Variants in CAMKMT observed in about 807,000 individuals in gnomAD.
The protein encoded by CAMKMT is calmodulin-lysine N-methyltransferase.
Under a neutral mutation model 48.0 loss-of-function variants are expected in CAMKMT, and 53 were observed. That is an observed-to-expected ratio of 1.10 (90% CI 0.89 to 1.39). CAMKMT has a LOEUF of 1.39. Among genes scored for constraint, CAMKMT ranks in the 40% most tolerant of loss-of-function variants. The pLI, the probability that CAMKMT is intolerant of heterozygous loss-of-function variation, is 0.00. For synonymous variants in CAMKMT, 165 were observed against 152.3 expected, an observed-to-expected ratio of 1.08 and a Z score of -0.61; for missense variants, 428 against 402.7, an observed-to-expected ratio of 1.06 and a Z score of -0.54.
At chr2:44,566,979 T>G (rs1325374853) in intron 3 of CAMKMT, among the ~76,000 whole-genome samples, 3 of 152,126 alleles carry the variant, frequency 2.0e-5, no homozygotes, top group Non-Finnish European at 4.4e-5. Context: ...AGTAGCAGAA[T>G]TTGGGTGTCA....
chr2:44,750,612 A>G (rs1255326864), intron 8 of CAMKMT, among the ~76,000 whole-genome samples: 2 of 152,250 alleles, frequency 1.3e-5, no homozygotes, highest in Non-Finnish European at 2.9e-5. Context: ...GCCATACACT[A>G]TCACTATAGT....
intron 3 of CAMKMT, among the ~76,000 whole-genome samples, chr2:44,428,792 A>G (rs141743691): frequency 6.6e-6 from 1 of 152,340 alleles, no homozygotes; most frequent in African/African-American, 2.4e-5. Context: ...ATTCCACCAG[A>G]TACAACTCCA....
chr2:44,397,727 A>C (rs991840583), intron 3 of CAMKMT, among the ~76,000 whole-genome samples: 1 of 152,214 alleles, frequency 6.6e-6, no homozygotes, highest in Non-Finnish European at 1.5e-5. Context: ...CCAAAGAAGG[A>C]AAAAGAAGTC....
chr2:44,576,039 G>A (rs1669198760), intron 3 of CAMKMT, among the ~76,000 whole-genome samples: 1 of 151,684 alleles, frequency 6.6e-6, no homozygotes. Flanking sequence ...AAGAACGCAG[G>A]TGGGAGGCTG....
chr2:44,552,902 A>C (rs1667799790), intron 3 of CAMKMT, among the ~76,000 whole-genome samples: 1 of 152,200 alleles, frequency 6.6e-6, no homozygotes, highest in Non-Finnish European at 1.5e-5. Context: ...TCTTTGGACA[A>C]ATCAGCAATA....
intron 3 of CAMKMT, among the ~76,000 whole-genome samples, chr2:44,573,410 T>A (rs1669032768): frequency 6.6e-6 from 1 of 152,088 alleles, no homozygotes; most frequent in Admixed American, 6.6e-5. Flanking sequence ...TTAGTGTATA[T>A]TATCTTTTAT....
At chr2:44,491,619 C>G (rs756091091) in intron 3 of CAMKMT, among the ~76,000 whole-genome samples, 3 of 152,156 alleles carry the variant, frequency 2.0e-5, no homozygotes, top group Non-Finnish European at 4.4e-5. Flanking sequence ...AAATATGTAA[C>G]TTACACTGCA....
chr2:44,362,215 G>A, intron 1 of CAMKMT, 70 bp downstream of exon 1: 1 of 1,316,762 alleles, frequency 7.6e-7, no homozygotes, highest in Non-Finnish European at 9.9e-7. Flanking sequence ...GGGAGCGACT[G>A]TTCGCAGTTC....
chr2:44,564,693 A>G (rs1668516049), intron 3 of CAMKMT, among the ~76,000 whole-genome samples: 1 of 152,094 alleles, frequency 6.6e-6, no homozygotes, highest in South Asian at 2.1e-4. Flanking sequence ...AGCATGTGCC[A>G]CCATGCCCAG....
At chr2:44,464,217 C>T (rs1667995901) in intron 3 of CAMKMT, among the ~76,000 whole-genome samples, 1 of 152,042 alleles carries the variant, frequency 6.6e-6, no homozygotes, top group Non-Finnish European at 1.5e-5. Context: ...TGTGGAAGAC[C>T]AACAAGAGAC....
At chr2:44,410,888 C>G (rs1170628376) in intron 3 of CAMKMT, among the ~76,000 whole-genome samples, 2 of 151,998 alleles carry the variant, frequency 1.3e-5, no homozygotes, top group Non-Finnish European at 2.9e-5. Flanking sequence ...GAAGCAATTA[C>G]TTTTTAAAAT....
At chr2:44,578,807 A>T (rs1213763915) in intron 3 of CAMKMT, among the ~76,000 whole-genome samples, 1 of 152,224 alleles carries the variant, frequency 6.6e-6, no homozygotes, top group Admixed American at 6.5e-5. Context: ...TGAGAGTTAG[A>T]AGAAGTTGAA....
intron 3 of CAMKMT, among the ~76,000 whole-genome samples, chr2:44,398,895 T>C (rs1682103826): frequency 6.6e-6 from 1 of 152,206 alleles, no homozygotes; most frequent in African/African-American, 2.4e-5. Flanking sequence ...TGTTTGTGTG[T>C]ATATACTCCA....
At chr2:44,580,803 T>C (rs1437606187) in intron 3 of CAMKMT, among the ~76,000 whole-genome samples, 2 of 152,214 alleles carry the variant, frequency 1.3e-5, no homozygotes, top group Non-Finnish European at 2.9e-5. Flanking sequence ...CTTTTTGTCA[T>C]GAAGCGCTTA....
At chr2:44,725,795 G>A (rs531328404) in intron 7 of CAMKMT, among the ~76,000 whole-genome samples, 2 of 151,838 alleles carry the variant, frequency 1.3e-5, no homozygotes, top group African/African-American at 4.8e-5. Context: ...GAATGAGACA[G>A]AGCACATGAA....
At chr2:44,625,210 C>T (rs865921989) in intron 3 of CAMKMT, among the ~76,000 whole-genome samples, 1 of 152,114 alleles carries the variant, frequency 6.6e-6, no homozygotes, top group Non-Finnish European at 1.5e-5. Flanking sequence ...GTAATAGTAT[C>T]TTATTGTGAT....
intron 3 of CAMKMT, among the ~76,000 whole-genome samples, chr2:44,487,496 A>T (rs1266222580): frequency 3.9e-5 from 6 of 152,214 alleles, no homozygotes; most frequent in Non-Finnish European, 1.5e-5. Context: ...CTGTCAAATT[A>T]ACAGGTTTTT....
chr2:44,566,371 T>C (rs906160885), intron 3 of CAMKMT, among the ~76,000 whole-genome samples: 2 of 152,224 alleles, frequency 1.3e-5, no homozygotes, highest in Non-Finnish European at 2.9e-5. Context: ...GAAATCCACA[T>C]GGTAGCTTAT....
At chr2:44,629,827 A>G (rs1672709203) in intron 3 of CAMKMT, among the ~76,000 whole-genome samples, 1 of 152,260 alleles carries the variant, frequency 6.6e-6, no homozygotes, top group South Asian at 2.1e-4. Context: ...TGCCCAAGGT[A>G]ATTTATAGAT....
Sources: allele counts gnomAD v4.1 joint callset (sites outside exome capture counted in the v4.1 genomes callset), GRCh38; gene constraint gnomAD v4.1.1; transcripts MANE v1.5; gene names NCBI Gene and HGNC (gene_info 2026-07-23, HGNC 2026-07-21).